Variants in LDLRAD4 observed in about 807,000 individuals in gnomAD.
The protein encoded by LDLRAD4 is low density lipoprotein receptor class A domain containing 4.
A neutral mutation model predicts 17.0 loss-of-function variants in LDLRAD4; 5 were observed. The observed-to-expected ratio is 0.29, with a 90% CI of 0.15 to 0.62. The LOEUF is 0.62. LDLRAD4 is among the 20% of genes least tolerant of loss of function. The pLI, the probability that LDLRAD4 is intolerant of heterozygous loss-of-function variation, is 0.84. For missense variants in LDLRAD4, 340 were observed against 424.7 expected (o/e 0.80, Z 1.75); for synonymous variants, 168 against 171.8 (o/e 0.98, Z 0.17).
In LDLRAD4 at chr18:13,316,727, T is replaced by C. The variant is rs537343322; in HGVS notation, c.-383+38539T>C. 3.4e-4 allele frequency among the ~76,000 whole-genome samples: 52 copies of C among 152,088 alleles called. 1 individual carries two copies. Among genetic ancestry groups the C allele is most frequent in the Non-Finnish European group, 2.6e-4 (18 of 68,026 alleles). Reference sequence around the variant, plus strand: ...AGAACTAATTTCTCTTGGGAACTAGTGAGTTAGGACACATGTTACAATCTC... The same window carrying C: ...AGAACTAATTTCTCTTGGGAACTAGCGAGTTAGGACACATGTTACAATCTC... On this transcript the variant is annotated intron_variant, in intron 1 of 5. Coordinates refer to ENST00000359446, the Ensembl canonical transcript of LDLRAD4.
At chr18:13,285,603 G>T (rs1567968009) in intron 1 of LDLRAD4, among the ~76,000 whole-genome samples, 2 of 152,176 alleles carry the variant, frequency 1.3e-5, no homozygotes, top group Non-Finnish European at 2.9e-5. Context: ...TTGGGAGAGG[G>T]TTCCGCTGTG....
At chr18:13,642,228 C>T (rs979253670) in intron 4 of LDLRAD4, 1 of 986,308 alleles carries the variant, frequency 1.0e-6, no homozygotes, top group Non-Finnish European at 1.2e-6. Context: ...CCGTCCCTCG[C>T]TGCTGGCGCC....
intron 2 of LDLRAD4, among the ~76,000 whole-genome samples, chr18:13,388,909 G>A (rs966556783): frequency 2.6e-5 from 4 of 152,216 alleles, no homozygotes; most frequent in African/African-American, 4.8e-5. Context: ...TGCCTTCCCC[G>A]AGTTGTGGGA....
chr18:13,352,402 T>C (rs1194678814), intron 1 of LDLRAD4, among the ~76,000 whole-genome samples: 2 of 72,846 alleles, frequency 2.7e-5, no homozygotes, highest in African/African-American at 1.1e-4. Context: ...ATTTTTCCCT[T>C]TCAGCAGTTT....
At chr18:13,593,390 A>G (rs529078528) in intron 3 of LDLRAD4, among the ~76,000 whole-genome samples, 1 of 132,022 alleles carries the variant, frequency 7.6e-6, no homozygotes, top group South Asian at 2.7e-4. Context: ...TGACCTGGGC[A>G]TGGATTTGTC....
intron 3 of LDLRAD4, among the ~76,000 whole-genome samples, chr18:13,473,882 G>A (rs2092863740): frequency 6.6e-6 from 1 of 151,542 alleles, no homozygotes; most frequent in African/African-American, 2.4e-5. Flanking sequence ...TGCTGATGTG[G>A]TTTGGCTCTG....
chr18:13,587,654 C>G (rs540017644), intron 3 of LDLRAD4, among the ~76,000 whole-genome samples: 2 of 152,340 alleles, frequency 1.3e-5, no homozygotes, highest in East Asian at 3.9e-4. Flanking sequence ...TAACCTCTCT[C>G]TTGGATGGCT....
chr18:13,630,668 GT>G (rs2041581010), intron 4 of LDLRAD4, among the ~76,000 whole-genome samples: 1 of 152,168 alleles, frequency 6.6e-6, no homozygotes. Context: ...TCTGTCCTCA[GT>G]TTCCCCCCAT....
At chr18:13,349,241 T>C (rs2082897891) in intron 1 of LDLRAD4, among the ~76,000 whole-genome samples, 1 of 152,244 alleles carries the variant, frequency 6.6e-6, no homozygotes, top group Non-Finnish European at 1.5e-5. Context: ...TAAATTAATA[T>C]CAATTTAATA....
chr18:13,406,751 ATGGGTTTTTAGCACAG>A (rs2145619077), intron 2 of LDLRAD4, among the ~76,000 whole-genome samples: 1 of 152,158 alleles, frequency 6.6e-6, no homozygotes, highest in East Asian at 1.9e-4. Context: ...CTCACTTGCC[ATGGGTTTTTAGCACAG>A]TGGTCCCCTC....
intron 1 of LDLRAD4, among the ~76,000 whole-genome samples, chr18:13,259,388 C>G (rs2043682880): frequency 6.6e-6 from 1 of 152,156 alleles, no homozygotes; most frequent in African/African-American, 2.4e-5. Flanking sequence ...GTTGTCCAGG[C>G]TGGTCTCAAA....
chr18:13,274,621 A>G (rs1390465890), upstream of LDLRAD4, among the ~76,000 whole-genome samples: 1 of 152,256 alleles, frequency 6.6e-6, no homozygotes, highest in Admixed American at 6.5e-5. Context: ...TATATCATAC[A>G]GTCCTGAATG....
chr18:13,418,892 A>G (rs1224830545), intron 2 of LDLRAD4, among the ~76,000 whole-genome samples: 4 of 152,216 alleles, frequency 2.6e-5, no homozygotes, highest in African/African-American at 2.4e-5. Flanking sequence ...ATCTTTGTGC[A>G]TTAGGGACTG....
At chr18:13,291,645 C>A (rs886260835) in intron 1 of LDLRAD4, among the ~76,000 whole-genome samples, 1 of 152,148 alleles carries the variant, frequency 6.6e-6, no homozygotes, top group African/African-American at 2.4e-5. Context: ...AAAGCCACAA[C>A]TAGATCTGAA....
chr18:13,553,084 C>T (rs1235672656), intron 3 of LDLRAD4, among the ~76,000 whole-genome samples: 1 of 152,108 alleles, frequency 6.6e-6, no homozygotes, highest in Admixed American at 6.5e-5. Context: ...ATGTGACATT[C>T]TAGTTGAGAC....
At chr18:13,380,506 C>T (rs554907627) in intron 1 of LDLRAD4, among the ~76,000 whole-genome samples, 9 of 152,324 alleles carry the variant, frequency 5.9e-5, no homozygotes, top group African/African-American at 1.7e-4. Context: ...CCACAAAGCA[C>T]AGGGGTCGGA....
chr18:13,642,214 C>G, intron 4 of LDLRAD4: 1 of 985,942 alleles, frequency 1.0e-6, no homozygotes, highest in South Asian at 4.7e-5. Flanking sequence ...GTGTTTCTTC[C>G]GCGCCGTCCC....
At chr18:13,379,506 C>T (rs955122587) in intron 1 of LDLRAD4, among the ~76,000 whole-genome samples, 2 of 152,222 alleles carry the variant, frequency 1.3e-5, no homozygotes, top group Non-Finnish European at 2.9e-5. Flanking sequence ...CAGAGGCAGA[C>T]GAGACACAAG....
chr18:13,331,200 C>T (rs192965139), intron 1 of LDLRAD4, among the ~76,000 whole-genome samples: 2 of 152,316 alleles, frequency 1.3e-5, no homozygotes, highest in East Asian at 3.9e-4. Flanking sequence ...GTCTTGGGGA[C>T]TGAGCCAACA....
Sources: gnomAD v4.1 joint callset for allele counts (sites outside exome capture counted in the v4.1 genomes callset) on GRCh38, gnomAD v4.1.1 for gene constraint, MANE v1.5 for transcripts, NCBI Gene and HGNC (gene_info 2026-07-23, HGNC 2026-07-21) for gene names.